MTOR: variants seen among roughly 807,000 people sequenced by gnomAD.
MTOR encodes serine/threonine-protein kinase mTOR.
A neutral mutation model predicts 319.8 loss-of-function variants in MTOR; 70 were observed. The observed-to-expected ratio is 0.22, with a 90% confidence interval of 0.18 to 0.27. The LOEUF is 0.27. Ranked by LOEUF, MTOR falls within the 10% of genes least tolerant of loss-of-function variation. The probability of loss-of-function intolerance (pLI) is 1.00; values close to 1 mark genes in which losing one functional copy is unlikely to be tolerated. For synonymous variants in MTOR, 1,183 were observed against 1,211.4 expected, an observed-to-expected ratio of 0.98 and a Z score of 0.49; for missense variants, 1,890 against 3,274.4, an observed-to-expected ratio of 0.58 and a Z score of 10.32.
chr1:11,205,935 C>A (rs1420930917), intron 25 of MTOR, among the ~76,000 whole-genome samples: 1 of 152,204 alleles, frequency 6.6e-6, no homozygotes, highest in Non-Finnish European at 1.5e-5. Flanking sequence ...AAGGACTCAA[C>A]CATCACCTCC....
chr1:11,235,146 C>A lies in MTOR; in HGVS notation c.2209-881G>T, dbSNP rs186018948. 3.3e-5 allele frequency among the ~76,000 whole-genome samples: 5 copies of A among 152,316 alleles called. No individual in the cohort carries two copies. In the East Asian group the frequency reaches 9.6e-4, roughly 29 times the overall value. ...AAATGAAGGGGATACTGAGAATAGA[C>A]CTGCAGCACCAAGAAGACATGGCTG... On this transcript the variant is annotated intron_variant, in intron 13 of 57. Coordinates refer to ENST00000361445, the MANE Select transcript of MTOR (RefSeq NM_004958.4).
chr1:11,260,572 A>G (rs1180146359), intron 1 of MTOR, among the ~76,000 whole-genome samples: 2 of 152,028 alleles, frequency 1.3e-5, no homozygotes, highest in Non-Finnish European at 2.9e-5. Context: ...AGGAAATACA[A>G]TGATCCACAA....
At chr1:11,153,069 C>T (rs1284283088) in intron 30 of MTOR, among the ~76,000 whole-genome samples, 1 of 152,152 alleles carries the variant, frequency 6.6e-6, no homozygotes, top group African/African-American at 2.4e-5. Flanking sequence ...GTTTCTTCAA[C>T]TATAACACAA....
intron 28 of MTOR, among the ~76,000 whole-genome samples, chr1:11,168,656 C>T (rs1313207759): frequency 6.6e-6 from 1 of 152,216 alleles, no homozygotes; most frequent in African/African-American, 2.4e-5. Context: ...AAGCTTTTCA[C>T]TAATGACACC....
chr1:11,108,108 A>C, intron 57 of MTOR, 73 bp downstream of exon 57: 1 of 1,212,168 alleles, frequency 8.2e-7, no homozygotes, highest in Non-Finnish European at 1.2e-6. Context: ...TCTTTTTGCT[A>C]CTCTGGCTTT....
At chr1:11,145,324 T>C (rs1329751014) in intron 32 of MTOR, 1 of 441,730 alleles carries the variant, frequency 2.3e-6, no homozygotes, top group South Asian at 2.9e-5. Flanking sequence ...GAATGTGGGC[T>C]GTAAAACCGA....
chr1:11,115,759 AAC>A lies in MTOR; in HGVS notation c.7017-293_7017-292del. The A allele has an allele frequency of 2.9e-6, 1 of 340,718 alleles. No homozygotes were observed. Among genetic ancestry groups the A allele is most frequent in the Non-Finnish European group, 5.5e-6 (1 of 180,210 alleles). 21.1% of individuals were successfully genotyped at this position (340,718 alleles called of 1,614,324 possible). A position where few individuals can be genotyped will look rare whatever the true frequency, so the allele number is the denominator to read the frequency against. On this transcript the variant is annotated intron_variant, in intron 50 of 57. Coordinates refer to ENST00000361445, the MANE Select transcript of MTOR (RefSeq NM_004958.4). The surrounding 1 kb of genome is among the most constrained non-coding windows in gnomAD (Gnocchi z 4.5). ...GACCTATTAACTGGTCCTTTACAGA[AAC>A]AGTTTGCCAACTCCTGCTGAAATGT...
At chr1:11,137,848 A>G (rs1215439689) in intron 36 of MTOR, among the ~76,000 whole-genome samples, 1 of 152,238 alleles carries the variant, frequency 6.6e-6, no homozygotes, top group Non-Finnish European at 1.5e-5. Flanking sequence ...CCTTTGCCTC[A>G]GGCGAGGCAG....
chr1:11,242,895 T>G (rs1196453328), intron 9 of MTOR, among the ~76,000 whole-genome samples: 1 of 152,218 alleles, frequency 6.6e-6, no homozygotes, highest in Non-Finnish European at 1.5e-5. Flanking sequence ...GCATCTCACA[T>G]GTTCTCAGGG....
At position 11,134,333 on chromosome 1, in the gene MTOR, G is replaced by A. The variant is rs140638297; in HGVS notation, c.5246+18C>T. On this transcript the variant is annotated intron_variant, in intron 37 of 57. Transcript: ENST00000361445. ...CAGGGCTGGAATATGACTTGCCCCA[G>A]GTCAGTGGGGACCTCACCGGGCCAT... 1.2e-6 allele frequency: 2 copies of A among 1,609,942 alleles called. No homozygotes were observed. The highest frequency in any genetic ancestry group is 1.1e-5 in the South Asian group (1 of 90,934).
intron 1 of MTOR, among the ~76,000 whole-genome samples, chr1:11,260,852 T>C (rs1278138676): frequency 2.0e-5 from 3 of 150,676 alleles, no homozygotes; most frequent in African/African-American, 4.9e-5. Context: ...TGCAGTGGCA[T>C]GATCTCGGCT....
chr1:11,158,710 T>C (rs957927116), intron 29 of MTOR, among the ~76,000 whole-genome samples: 7 of 151,612 alleles, frequency 4.6e-5, no homozygotes, highest in African/African-American at 2.4e-5. Flanking sequence ...CAAATTTCTA[T>C]ACTGGGTGGA....
chr1:11,127,275 G>A lies in MTOR; in HGVS notation c.6217-131C>T. 4 of 1,286,902 alleles carry A rather than the reference G, an allele frequency of 3.1e-6. No individual in the cohort carries two copies. The highest frequency in any genetic ancestry group is 3.2e-6 in the Non-Finnish European group (3 of 939,002). The allele number at this position is 1,286,902 out of a possible 1,614,324, so 79.7% of individuals were successfully genotyped here. A position where few individuals can be genotyped will look rare whatever the true frequency, so the allele number is the denominator to read the frequency against. ...CTGAAAACACTGGCAGGGGGCTGGA[G>A]AAAGCAAGAGCATAGGTGCAGGCCT... On this transcript the variant is annotated intron_variant, in intron 44 of 57. Coordinates refer to ENST00000361445, the MANE Select transcript of MTOR (RefSeq NM_004958.4). This position sits in a 1 kb window ranked among gnomAD's most constrained non-coding sequence, Gnocchi z 5.5.
At chr1:11,206,393 T>A (rs1480660516) in intron 25 of MTOR, among the ~76,000 whole-genome samples, 2 of 152,150 alleles carry the variant, frequency 1.3e-5, no homozygotes, top group Admixed American at 1.3e-4. Flanking sequence ...CTAGGTCAAA[T>A]CCCAGCTCCA....
intron 49 of MTOR, among the ~76,000 whole-genome samples, chr1:11,120,965 A>G (rs1222931902): frequency 1.3e-5 from 2 of 152,214 alleles, no homozygotes; most frequent in East Asian, 3.8e-4. Flanking sequence ...AGCAAAATTT[A>G]AAAACTAAGT....
intron 30 of MTOR, among the ~76,000 whole-genome samples, chr1:11,153,651 T>C (rs1644222497): frequency 6.6e-6 from 1 of 152,260 alleles, no homozygotes; most frequent in South Asian, 2.1e-4. Context: ...TAGAGCTTTC[T>C]GTGATGATGG....
rs200705080 is a variant in MTOR, at chr1:11,120,519, G to GAA, written c.6933+726_6933+727insTT. On this transcript the variant is annotated intron_variant, in intron 49 of 57. Transcript: ENST00000361445. Reference sequence around the variant, plus strand: ...TGCCACTGCACTCCAGCCTGGGCGGGGAAAAAAAAAAAAAAAGAGATGGAG... The same window carrying GAA: ...TGCCACTGCACTCCAGCCTGGGCGGGAAGAAAAAAAAAAAAAAAGAGATGGAG... Among the ~76,000 whole-genome samples, 159 of 148,792 alleles carry GAA rather than the reference G, an allele frequency of 1.1e-3. 1 individual carries two copies. Among genetic ancestry groups the GAA allele is most frequent in the South Asian group, 5.2e-3 (24 of 4,610 alleles).
chr1:11,239,053 C>T (rs58515785), intron 11 of MTOR, among the ~76,000 whole-genome samples: 25 of 151,866 alleles, frequency 1.6e-4, no homozygotes, highest in Non-Finnish European at 2.8e-4. Context: ...GGATTATAGG[C>T]GTAAGCCACC....
At chr1:11,236,509 GTTTT>G (rs1182732565) in intron 13 of MTOR, among the ~76,000 whole-genome samples, 1 of 124,010 alleles carries the variant, frequency 8.1e-6, no homozygotes. Context: ...GTGATTTCAC[GTTTT>G]TTTTTTTTTT....
Sources: allele counts gnomAD v4.1 joint callset (sites outside exome capture counted in the v4.1 genomes callset), GRCh38; gene constraint gnomAD v4.1.1; non-coding constraint Gnocchi (gnomAD v3.1); transcripts MANE v1.5; gene names NCBI Gene and HGNC (gene_info 2026-07-23, HGNC 2026-07-21).